The following RABGAP1 variants were observed in gnomAD, a reference collection of about 807,000 sequenced individuals.
RABGAP1 encodes the protein rab GTPase-activating protein 1.
Under a neutral mutation model 137.6 loss-of-function variants are expected in RABGAP1, and 23 were observed. The observed-to-expected ratio is 0.17, with a 90% CI of 0.12 to 0.24. The LOEUF (loss-of-function observed/expected upper bound fraction) is 0.24. Among genes scored for constraint, RABGAP1 ranks in the 10% least tolerant of loss-of-function variants. The pLI is 1.00. For missense variants in RABGAP1, 906 were observed against 1,275.8 expected (o/e 0.71, Z 4.42); for synonymous variants, 451 against 450.7 (o/e 1.00, Z -0.01).
At position 122,963,345 on chromosome 9, in the gene RABGAP1, G is replaced by A. The variant is rs113943596; in HGVS notation, c.150+6136G>A. On this transcript the variant is annotated intron_variant, in intron 2 of 25. Coordinates refer to ENST00000373647, the MANE Select transcript of RABGAP1 (RefSeq NM_012197.4). Reference sequence around the variant, plus strand: ...GATAGAAGCCTTAAATGACACTGTTGACCAACTAGAGCTAACAGATCTCTG... The same window carrying A: ...GATAGAAGCCTTAAATGACACTGTTAACCAACTAGAGCTAACAGATCTCTG... 1.1e-3 allele frequency among the ~76,000 whole-genome samples: 170 copies of A among 152,264 alleles called. 1 individual carries two copies. The highest frequency in any genetic ancestry group is 4.0e-3 in the African/African-American group (167 of 41,534).
At chr9:122,957,273 T>C (rs1381411137) in intron 2 of RABGAP1, 64 bp downstream of exon 2, 2 of 1,311,354 alleles carry the variant, frequency 1.5e-6, no homozygotes, top group African/African-American at 2.9e-5. Flanking sequence ...AAACTTGGCC[T>C]TAACAGAAAA....
rs747360072 is a variant in RABGAP1 at position 123,101,789 on chromosome 9, T to C, written c.3087+26T>C. 8 of 1,547,924 alleles carry C rather than the reference T, an allele frequency of 5.2e-6. No individual in the cohort carries two copies. In the African/African-American group the frequency reaches 1.1e-4, roughly 21 times the overall value. ...GTAACAGCAGCAGAGCTCAGACATG[T>C]GCCTGCGGGCTGGGTTTCCTGATGT... On this transcript the variant is annotated intron_variant, in intron 25 of 25. Coordinates refer to ENST00000373647, the MANE Select transcript of RABGAP1 (RefSeq NM_012197.4).
chr9:122,988,073 T>C, intron 4 of RABGAP1, among the ~76,000 whole-genome samples: 1 of 152,340 alleles, frequency 6.6e-6, no homozygotes, highest in African/African-American at 2.4e-5. Flanking sequence ...TATTTATTAA[T>C]GATAAACTAT....
At chr9:123,012,482 C>T (rs1249265148) in intron 11 of RABGAP1, among the ~76,000 whole-genome samples, 1 of 152,192 alleles carries the variant, frequency 6.6e-6, no homozygotes, top group Non-Finnish European at 1.5e-5. Flanking sequence ...ACAAAGAAAT[C>T]TGGGCCCGAC....
At chr9:123,009,620 G>T (rs1564129587) in intron 10 of RABGAP1, among the ~76,000 whole-genome samples, 1 of 152,306 alleles carries the variant, frequency 6.6e-6, no homozygotes. Context: ...GAATGTTAAT[G>T]TACTTATAAT....
chr9:123,058,608 AAG>A (rs2033842895), intron 13 of RABGAP1, among the ~76,000 whole-genome samples: 1 of 152,188 alleles, frequency 6.6e-6, no homozygotes, highest in South Asian at 2.1e-4. Context: ...ATGTTTGGGA[AAG>A]AGATTTGGAT....
At position 123,098,746 on chromosome 9, in the gene RABGAP1, A is replaced by C; in HGVS notation, c.2765A>C (p.Lys922Thr). The change falls in exon 23 of 26, where the codon AAG (lysine) becomes ACG (threonine). Residue 922 changes from lysine (K) to threonine (T), a missense_variant. Lys to Thr is a moderately conservative substitution (Grantham distance 78). Transcript: ENST00000373647. ...GAAATGTGCCGTCGGGAACTCGACA[A>C]GGCAGAATCTGAGATTAAAAAAAAC... ...LKEMCRRELD[K>T]AESEIKKNSS... 3 of 1,614,042 alleles carry C rather than the reference A, an allele frequency of 1.9e-6. No homozygotes were observed. Among genetic ancestry groups the C allele is most frequent in the Non-Finnish European group, 2.5e-6 (3 of 1,179,956 alleles).
chr9:123,050,238 C>T (rs1373096080), intron 13 of RABGAP1, among the ~76,000 whole-genome samples: 2 of 152,164 alleles, frequency 1.3e-5, no homozygotes, highest in Non-Finnish European at 2.9e-5. Context: ...TTACTGAATA[C>T]CTAAACAATA....
intron 13 of RABGAP1, chr9:123,035,509 C>T (rs757842546): frequency 9.3e-6 from 15 of 1,613,502 alleles, no homozygotes; most frequent in Non-Finnish European, 1.1e-5. Context: ...CCAAAGAGGA[C>T]TAAAGCGCCT....
chr9:122,975,844 C>T (rs1381123334), intron 2 of RABGAP1, among the ~76,000 whole-genome samples: 1 of 152,186 alleles, frequency 6.6e-6, no homozygotes, highest in African/African-American at 2.4e-5. Context: ...TTAACATCCT[C>T]ATTTTAGAGA....
At chr9:123,089,684 G>T in intron 19 of RABGAP1, 74 bp from the exon 20 acceptor site, 4 of 1,156,406 alleles carry the variant, frequency 3.5e-6, no homozygotes, top group Non-Finnish European at 5.0e-6. Context: ...CAGAAGTCTT[G>T]GTCTTCAGTG....
At chr9:122,937,054 G>A (rs192491503), upstream of RABGAP1, among the ~76,000 whole-genome samples, 1 of 152,312 alleles carries the variant, frequency 6.6e-6, no homozygotes, top group East Asian at 1.9e-4. Context: ...AGGATTTAAA[G>A]TGAAGCCAAA....
At chr9:123,026,227 G>A (rs1328911568) in intron 13 of RABGAP1, among the ~76,000 whole-genome samples, 1 of 152,062 alleles carries the variant, frequency 6.6e-6, no homozygotes, top group Non-Finnish European at 1.5e-5. Context: ...GGGAGCCTGA[G>A]GCAGGAGAAT....
intron 14 of RABGAP1, among the ~76,000 whole-genome samples, chr9:123,065,752 T>C (rs1407237268): frequency 6.6e-6 from 1 of 152,232 alleles, no homozygotes; most frequent in Non-Finnish European, 1.5e-5. Context: ...GTTAAGAACC[T>C]CTGAGCCCTG....
At chr9:123,022,947 GTCTAC>G (rs986990168) in intron 13 of RABGAP1, among the ~76,000 whole-genome samples, 16 of 152,130 alleles carry the variant, frequency 1.1e-4, no homozygotes, top group Admixed American at 2.6e-4. Context: ...ACTTTTTACA[GTCTAC>G]TCTACCAGCT....
intron 6 of RABGAP1, among the ~76,000 whole-genome samples, chr9:122,992,754 CTAT>C (rs1437210499): frequency 3.4e-5 from 5 of 146,072 alleles, no homozygotes; most frequent in Non-Finnish European, 6.0e-5. Context: ...AGTTATATAC[CTAT>C]TATTATATAA....
rs776787999 is a variant in RABGAP1 at position 122,984,729 on chromosome 9, G to T, written c.385+10G>T. 1 of 1,608,130 alleles carries T rather than the reference G, an allele frequency of 6.2e-7. No individual in the cohort carries two copies. The highest frequency in any genetic ancestry group is 8.5e-7 in the Non-Finnish European group (1 of 1,174,888). ...AAACCTGGACAAGGAGGTTAGGATT[G>T]CTGCATTGCTTGCGTAACTGAAGGT... On this transcript the variant is annotated intron_variant, in intron 3 of 25. Transcript: ENST00000373647.
intron 10 of RABGAP1, among the ~76,000 whole-genome samples, chr9:123,005,299 TC>T (rs1394272433): frequency 5.7e-5 from 8 of 139,742 alleles, no homozygotes; most frequent in African/African-American, 2.1e-4. Context: ...TTTTTTTTTT[TC>T]CTTTTTTTTT....
chr9:122,941,862 C>T (rs893703990), intron 1 of RABGAP1, among the ~76,000 whole-genome samples: 1 of 152,386 alleles, frequency 6.6e-6, no homozygotes, highest in South Asian at 2.1e-4. Context: ...CTGCGTTTCA[C>T]GCATCTGCAT....
Sources: allele counts gnomAD v4.1 joint callset (sites outside exome capture counted in the v4.1 genomes callset), GRCh38; gene constraint gnomAD v4.1.1; transcripts MANE v1.5; gene names NCBI Gene and HGNC (gene_info 2026-07-23, HGNC 2026-07-21).